The following AFG1L variants were observed in gnomAD, a reference collection of about 807,000 sequenced individuals.
AFG1L encodes the protein AFG1 like ATPase, also known as AFG1-like ATPase.
Under a neutral mutation model 62.2 loss-of-function variants are expected in AFG1L, and 53 were observed. The ratio of observed to expected loss-of-function variants is 0.85; its 90% CI spans 0.68 to 1.07. AFG1L has a LOEUF of 1.07. Ranked by LOEUF, AFG1L falls within the 50% of genes least tolerant of loss-of-function variation. AFG1L has a pLI of 0.00. For synonymous variants in AFG1L, 228 were observed against 210.3 expected (o/e 1.08, Z -0.73); for missense variants, 555 against 590.5 (o/e 0.94, Z 0.62).
At chr6:108,347,880 A>G (rs1274737701) in intron 3 of AFG1L, among the ~76,000 whole-genome samples, 2 of 151,648 alleles carry the variant, frequency 1.3e-5, no homozygotes, top group Non-Finnish European at 2.9e-5. Context: ...TATTTCTTCT[A>G]CTGGCATACT....
intron 3 of AFG1L, among the ~76,000 whole-genome samples, chr6:108,348,550 C>G (rs1778957306): frequency 6.6e-6 from 1 of 152,106 alleles, no homozygotes; most frequent in Non-Finnish European, 1.5e-5. Context: ...TAGAGATTGC[C>G]CCTTAAAATT....
In AFG1L at chr6:108,507,075, T is replaced by C. The variant is rs75701401; in HGVS notation, c.1063-3137T>C. Among the ~76,000 whole-genome samples, 1,388 of 152,326 alleles carry C rather than the reference T, an allele frequency of 9.1e-3. 18 individuals carry two copies. Among genetic ancestry groups the C allele is most frequent in the African/African-American group, 0.031 (1,287 of 41,566 alleles). On this transcript the variant is annotated intron_variant, in intron 10 of 12. Transcript: ENST00000368977. ...AAATACATTTCATTCTTCTTTCTCA[T>C]GTTTTTAAAGAAAAAAGTAGTATTG...
intron 1 of AFG1L, among the ~76,000 whole-genome samples, chr6:108,298,765 A>G (rs1399748546): frequency 6.6e-6 from 1 of 152,166 alleles, no homozygotes; most frequent in Non-Finnish European, 1.5e-5. Flanking sequence ...GATCAGATCT[A>G]TTTTAGCATG....
Position 108,412,748 on chromosome 6 carries a change from A to G in AFG1L, c.807+10694A>G, listed in dbSNP as rs538608062. 2.0e-5 allele frequency among the ~76,000 whole-genome samples: 3 copies of G among 152,330 alleles called. No homozygotes were observed. The East Asian group carries it at 5.8e-4, about 29-fold the overall frequency. ...TTTGTCACCACCAGGCCTGCCCTAA[A>G]AGAGCTCCTGAAGGAAGCACTAAAC... is the stretch of plus-strand genomic sequence containing the variant. On this transcript the variant is annotated intron_variant, in intron 7 of 12. Coordinates refer to ENST00000368977, the MANE Select transcript of AFG1L (RefSeq NM_145315.5).
At chr6:108,484,463 C>G (rs1259541058) in intron 10 of AFG1L, among the ~76,000 whole-genome samples, 2 of 152,130 alleles carry the variant, frequency 1.3e-5, no homozygotes, top group African/African-American at 4.8e-5. Context: ...CCTAGTCAAT[C>G]CTTAAACTAA....
intron 1 of AFG1L, among the ~76,000 whole-genome samples, chr6:108,314,927 C>T (rs1399459966): frequency 6.6e-6 from 1 of 152,042 alleles, no homozygotes; most frequent in African/African-American, 2.4e-5. Context: ...CAAACTTTGC[C>T]TCCTGGGTTC....
chr6:108,350,725 A>T (rs565941278), intron 3 of AFG1L, among the ~76,000 whole-genome samples: 1 of 152,304 alleles, frequency 6.6e-6, no homozygotes, highest in South Asian at 2.1e-4. Context: ...AGAGTTAATG[A>T]TTTCTCTGGT....
chr6:108,384,642 T>G (rs140885200), intron 6 of AFG1L, among the ~76,000 whole-genome samples: 97 of 152,256 alleles, frequency 6.4e-4, no homozygotes, highest in African/African-American at 2.2e-3. Context: ...ATGAACTGGA[T>G]TAGCAGACAA....
intron 8 of AFG1L, among the ~76,000 whole-genome samples, chr6:108,475,999 A>T (rs931875312): frequency 6.6e-6 from 1 of 152,214 alleles, no homozygotes; most frequent in Non-Finnish European, 1.5e-5. Flanking sequence ...TGGCAGGTCA[A>T]CCTGTAAAAG....
intron 1 of AFG1L, among the ~76,000 whole-genome samples, chr6:108,305,722 C>T (rs1296364836): frequency 1.3e-5 from 2 of 152,100 alleles, no homozygotes; most frequent in Non-Finnish European, 2.9e-5. Context: ...CGTGAGCTAC[C>T]ACACCAGGCT....
At chr6:108,342,303 A>C (rs1382859944) in intron 2 of AFG1L, among the ~76,000 whole-genome samples, 3 of 152,192 alleles carry the variant, frequency 2.0e-5, no homozygotes, top group African/African-American at 7.2e-5. Flanking sequence ...AGGGGAGGGG[A>C]GCACATGGAG....
intron 7 of AFG1L, among the ~76,000 whole-genome samples, chr6:108,431,293 A>G (rs1562156915): frequency 6.6e-6 from 1 of 151,808 alleles, no homozygotes; most frequent in Non-Finnish European, 1.5e-5. Flanking sequence ...TAGTAGAGAC[A>G]GGGTTTCACC....
At chr6:108,367,145 T>C (rs529150105) in intron 6 of AFG1L, among the ~76,000 whole-genome samples, 2 of 152,304 alleles carry the variant, frequency 1.3e-5, no homozygotes, top group African/African-American at 4.8e-5. Flanking sequence ...ATTTATTATA[T>C]TTATAGTTTA....
At chr6:108,295,781 GT>G (rs1038498428) in intron 1 of AFG1L, 2 of 152,236 alleles carry the variant, frequency 1.3e-5, no homozygotes, top group African/African-American at 4.8e-5. Context: ...TCAGTTATAT[GT>G]TCATGAATGA....
rs528239991 is a variant in AFG1L, at chr6:108,410,906, C to T, written c.807+8852C>T. On this transcript the variant is annotated intron_variant, in intron 7 of 12. Transcript: ENST00000368977. ...ATTTCTGCCTTTCCAACTGAGGTAT[C>T]GGGTTCATCTCACTGGGGCTTGTCA... Among the ~76,000 whole-genome samples the T allele has an allele frequency of 1.1e-4, 17 of 152,196 alleles. No individual in the cohort carries two copies. In the East Asian group the frequency reaches 2.5e-3, roughly 22 times the overall value.
At chr6:108,428,733 T>A (rs1273693834) in intron 7 of AFG1L, among the ~76,000 whole-genome samples, 1 of 152,162 alleles carries the variant, frequency 6.6e-6, no homozygotes, top group African/African-American at 2.4e-5. Flanking sequence ...ATGTTTGTTG[T>A]CCATTTGTAT....
intron 7 of AFG1L, among the ~76,000 whole-genome samples, chr6:108,405,979 A>G (rs1426206756): frequency 1.3e-5 from 2 of 152,346 alleles, no homozygotes; most frequent in African/African-American, 4.8e-5. Context: ...TTTTTATGGC[A>G]TAATAATATT....
intron 2 of AFG1L, 21 bp from the exon 3 acceptor site, chr6:108,346,967 T>C: frequency 6.3e-7 from 1 of 1,584,740 alleles, no homozygotes; most frequent in Non-Finnish European, 8.7e-7. Flanking sequence ...TAGAGATTTA[T>C]AATTTGTTCT....
chr6:108,361,961 A>T (rs1207057918), intron 5 of AFG1L, among the ~76,000 whole-genome samples: 3 of 152,170 alleles, frequency 2.0e-5, no homozygotes, highest in Non-Finnish European at 4.4e-5. Context: ...ATGAATCTTT[A>T]TTAATTGATG....
Sources: allele counts gnomAD v4.1 joint callset (sites outside exome capture counted in the v4.1 genomes callset), GRCh38; gene constraint gnomAD v4.1.1; transcripts MANE v1.5; gene names NCBI Gene and HGNC (gene_info 2026-07-23, HGNC 2026-07-21).